ETV1: variants seen among roughly 807,000 people sequenced by gnomAD.
ETV1 encodes ETS variant transcription factor 1, also known as ETS translocation variant 1.
Under a neutral mutation model 62.3 loss-of-function variants are expected in ETV1, and 27 were observed. The ratio of observed to expected loss-of-function variants is 0.43; its 90% CI spans 0.32 to 0.60. The LOEUF (loss-of-function observed/expected upper bound fraction) is 0.60. Among genes scored for constraint, ETV1 ranks in the 20% least tolerant of loss-of-function variants. The pLI is 0.06. For synonymous variants in ETV1, 222 were observed against 199.6 expected (o/e 1.11, Z -0.94); for missense variants, 605 against 605.8 (o/e 1.00, Z 0.01).
chr7:13,896,226 C>CA, intron 13 of ETV1, 139 bp from the exon 14 acceptor site: 1 of 573,212 alleles, frequency 1.7e-6, no homozygotes, highest in Non-Finnish European at 3.1e-6. Context: ...CAACTAATAG[C>CA]AGATACACAT....
intron 9 of ETV1, among the ~76,000 whole-genome samples, chr7:13,911,630 T>C (rs1485153563): frequency 6.6e-6 from 1 of 152,196 alleles, no homozygotes; most frequent in Non-Finnish European, 1.5e-5. Context: ...GTTTTAAATA[T>C]GCATCAGGAC....
chr7:13,990,567 T>C (rs1782957289), upstream of ETV1: 1 of 152,252 alleles, frequency 6.6e-6, no homozygotes, highest in African/African-American at 2.4e-5. Context: ...CTTGACGCTT[T>C]CACTTCCTCT....
At chr7:13,949,223 T>C (rs1377710351) in intron 6 of ETV1, among the ~76,000 whole-genome samples, 1 of 152,112 alleles carries the variant, frequency 6.6e-6, no homozygotes, top group Non-Finnish European at 1.5e-5. Flanking sequence ...ATAAATTAGA[T>C]ATATTTAAGA....
chr7:13,977,461 A>C lies in ETV1; in HGVS notation c.201T>G (p.Asp67Glu), dbSNP rs1583875334. ...CCTGATAGTCTGGTACAAACTGCTC[A>C]TCATTGTCAGGTACCTGAGCTGAAG... is the stretch of plus-strand genomic sequence containing the variant. ...WLAEAQVPDN[D>E]EQFVPDYQAE... The change falls in exon 6 of 14, where the codon GAT becomes GAG. Residue 67 changes from aspartate (D) to glutamate (E), a missense_variant. By Grantham distance (45) the Asp-to-Glu change is conservative (BLOSUM62 2). Transcript: ENST00000430479. 6.5e-7 allele frequency: 1 copy of C among 1,547,432 alleles called. No homozygotes were observed.
At chr7:13,958,482 C>G (rs1789749274) in intron 6 of ETV1, among the ~76,000 whole-genome samples, 1 of 152,178 alleles carries the variant, frequency 6.6e-6, no homozygotes, top group Non-Finnish European at 1.5e-5. Context: ...CTGGGTAAAT[C>G]ATACAAATCT....
intron 6 of ETV1, among the ~76,000 whole-genome samples, chr7:13,963,112 A>G (rs1184172017): frequency 6.6e-6 from 1 of 152,148 alleles, no homozygotes; most frequent in Non-Finnish European, 1.5e-5. Context: ...CTCTGTCTAT[A>G]TCCCAAGGTA....
chr7:13,952,890 T>A (rs1788995211), intron 6 of ETV1, among the ~76,000 whole-genome samples: 1 of 152,208 alleles, frequency 6.6e-6, no homozygotes, highest in Admixed American at 6.5e-5. Flanking sequence ...AATATAATGG[T>A]ACTTCAGCAG....
Position 13,895,880 on chromosome 7 carries a change from C to G in ETV1, c.1420G>C (p.Gly474Arg). The G allele has an allele frequency of 1.2e-6, 2 of 1,613,328 alleles. No homozygotes were observed. The highest frequency in any genetic ancestry group is 1.7e-6 in the Non-Finnish European group (2 of 1,179,680). Residue 474 changes from glycine (G) to arginine (R), a missense_variant, in exon 14 of 14, where the codon GGC becomes CGC. Physicochemically the swap from Gly to Arg is moderately radical, Grantham distance 125. Transcript: ENST00000430479. ...TGTCACTTGTGTTAATACACGTAGC[C>G]TTCGTTGTAGGGGTGGGGGTTGCAG... ...GCCNPHPYNE[G>R]YVY
At chr7:13,940,551 C>G (rs1270131547) in intron 6 of ETV1, among the ~76,000 whole-genome samples, 1 of 151,502 alleles carries the variant, frequency 6.6e-6, no homozygotes, top group East Asian at 1.9e-4. Context: ...ATATAATATC[C>G]ACAGGTATGA....
rs1271229805 is a variant in ETV1 at position 13,894,621 on chromosome 7, C to T, written c.*1245G>A. The T allele has an allele frequency of 1.3e-5, 3 of 231,684 alleles. No individual in the cohort carries two copies. The highest frequency in any genetic ancestry group is 4.4e-5 in the African/African-American group (2 of 45,230). 14.4% of individuals were successfully genotyped at this position (231,684 alleles called of 1,614,324 possible). A position where few individuals can be genotyped will look rare whatever the true frequency, so the allele number is the denominator to read the frequency against. ...AAAAGCTGCTTATAGCATAGCATGG[C>T]GTAAGCTATTTTTTAAGCAATAAAT... On this transcript the variant is annotated 3_prime_UTR_variant, in exon 14 of 14. Transcript: ENST00000430479.
chr7:13,981,526 TACATAC>T lies in ETV1; in HGVS notation c.182-4052_182-4047del, dbSNP rs528903983. 5.8e-3 allele frequency among the ~76,000 whole-genome samples: 777 copies of T among 133,964 alleles called. 7 individuals carry two copies. Among genetic ancestry groups the T allele is most frequent in the African/African-American group, 0.02 (750 of 36,782 alleles). 87.9% of individuals were successfully genotyped at this position (133,964 alleles called of 152,430 possible). A position where few individuals can be genotyped will look rare whatever the true frequency, so the allele number is the denominator to read the frequency against. On this transcript the variant is annotated intron_variant, in intron 5 of 13. Coordinates refer to ENST00000430479, the MANE Select transcript of ETV1 (RefSeq NM_004956.5). ...TTACATACATACATACATACATACA[TACATAC>T]ATATATATATATACACACACACAAA...
chr7:13,986,387 T>C (rs1782553901), intron 5 of ETV1: 1 of 1,486,318 alleles, frequency 6.7e-7, no homozygotes, highest in Non-Finnish European at 8.9e-7. Flanking sequence ...GGTGCATTAG[T>C]TCTTGCCAAA....
chr7:13,965,572 T>C (rs1227457122), intron 6 of ETV1, among the ~76,000 whole-genome samples: 3 of 152,170 alleles, frequency 2.0e-5, no homozygotes, highest in Non-Finnish European at 4.4e-5. Context: ...CTCAGCTGTG[T>C]AATTTCAGTC....
chr7:13,988,984 G>A, intron 3 of ETV1, 24 bp downstream of exon 3: 3 of 1,583,812 alleles, frequency 1.9e-6, no homozygotes, highest in Non-Finnish European at 2.6e-6. Flanking sequence ...TTTATAAACA[G>A]CAACTTTCAA....
At chr7:13,899,741 C>T (rs1011647198) in intron 13 of ETV1, among the ~76,000 whole-genome samples, 4 of 152,172 alleles carry the variant, frequency 2.6e-5, no homozygotes, top group African/African-American at 7.2e-5. Flanking sequence ...CAAATATCCA[C>T]GTTTTATCTT....
chr7:13,899,891 G>T (rs933623515), intron 13 of ETV1, among the ~76,000 whole-genome samples: 1 of 152,258 alleles, frequency 6.6e-6, no homozygotes, highest in African/African-American at 2.4e-5. Flanking sequence ...GCCCCTTGGA[G>T]GCCAAGGCAG....
chr7:13,931,372 A>C (rs1786129116), intron 9 of ETV1, 130 bp downstream of exon 9: 2 of 963,046 alleles, frequency 2.1e-6, no homozygotes, highest in Non-Finnish European at 3.1e-6. Flanking sequence ...AGTTTCAATG[A>C]ACGGACAAAA....
At position 13,909,691 on chromosome 7, in the gene ETV1, A is replaced by G; in HGVS notation, c.881T>C (p.Phe294Ser). 6.2e-7 allele frequency: 1 copy of G among 1,612,618 alleles called. No individual in the cohort carries two copies. Among genetic ancestry groups the G allele is most frequent in the Non-Finnish European group, 8.5e-7 (1 of 1,178,674 alleles). The change falls in exon 11 of 14, where the codon TTT (phenylalanine) becomes TCT (serine). Residue 294 changes from phenylalanine to serine, a missense_variant. Phe to Ser is a radical substitution (Grantham distance 155). Transcript: ENST00000430479. Reference protein sequence around the residue: ...AHPSRTEGCMFEKGPRQFYDD... With the variant: ...AHPSRTEGCMSEKGPRQFYDD... ...ATAAAACTGCCTGGGGCCCTTTTCAAACATACAGCCTGTGGATGAAAAAGG... is the reference window on the plus strand; with the variant it reads ...ATAAAACTGCCTGGGGCCCTTTTCAGACATACAGCCTGTGGATGAAAAAGG...
chr7:13,977,117 G>A (rs1781524996), intron 6 of ETV1, among the ~76,000 whole-genome samples: 2 of 152,132 alleles, frequency 1.3e-5, no homozygotes, highest in Admixed American at 6.6e-5. Flanking sequence ...CATGTTCATG[G>A]ATCACATGCT....
Sources: gnomAD v4.1 joint callset for allele counts (sites outside exome capture counted in the v4.1 genomes callset) on GRCh38, gnomAD v4.1.1 for gene constraint, MANE v1.5 for transcripts, NCBI Gene and HGNC (gene_info 2026-07-23, HGNC 2026-07-21) for gene names.